Variants in RABGEF1 observed in about 807,000 individuals in gnomAD.
The protein encoded by RABGEF1 is rab5 GDP/GTP exchange factor.
Under a neutral mutation model 57.3 loss-of-function variants are expected in RABGEF1, and 26 were observed. That is an observed-to-expected ratio of 0.45 (90% CI 0.33 to 0.63). RABGEF1 has a LOEUF of 0.63. RABGEF1 is among the 20% of genes least tolerant of loss of function. RABGEF1 has a pLI of 0.02. For missense variants in RABGEF1, 464 were observed against 607.6 expected (o/e 0.76, Z 2.48); for synonymous variants, 185 against 210.7 (o/e 0.88, Z 1.06).
intron 1 of RABGEF1, among the ~76,000 whole-genome samples, chr7:66,701,770 A>G (rs1793310103): frequency 6.6e-6 from 1 of 152,014 alleles, no homozygotes; most frequent in East Asian, 1.9e-4. Flanking sequence ...AGCCTCATTT[A>G]TATTGATTTG....
intron 4 of RABGEF1, among the ~76,000 whole-genome samples, chr7:66,789,552 G>A (rs1562859022): frequency 6.6e-6 from 1 of 151,790 alleles, no homozygotes; most frequent in Non-Finnish European, 1.5e-5. Flanking sequence ...GTGTGGTGGC[G>A]AGCACCTGTA....
At chr7:66,695,181 G>A (rs761964920) in intron 1 of RABGEF1, among the ~76,000 whole-genome samples, 14 of 150,968 alleles carry the variant, frequency 9.3e-5, no homozygotes, top group African/African-American at 2.4e-4. Flanking sequence ...GCACGGTGGC[G>A]TGCACCAGTA....
the RABGEF1 span, chr7:66,666,293 C>G: frequency 6.6e-6 from 1 of 152,234 alleles, no homozygotes; most frequent in Non-Finnish European, 1.5e-5. Context: ...TAGAGACCAC[C>G]TGCCTTCATA....
the RABGEF1 span, among the ~76,000 whole-genome samples, chr7:66,654,925 G>T: frequency 6.6e-6 from 1 of 152,256 alleles, no homozygotes; most frequent in South Asian, 2.1e-4. Flanking sequence ...GGCCTGACGC[G>T]GAGCATTTCC....
intron 1 of RABGEF1, among the ~76,000 whole-genome samples, chr7:66,757,903 G>C (rs1466384568): frequency 1.3e-5 from 2 of 152,042 alleles, no homozygotes; most frequent in Admixed American, 1.3e-4. Flanking sequence ...GAGCCACTGC[G>C]CCCGGCCGAC....
intron 1 of RABGEF1, among the ~76,000 whole-genome samples, chr7:66,701,996 T>G (rs763855690): frequency 7.9e-5 from 12 of 152,130 alleles, no homozygotes; most frequent in Non-Finnish European, 1.5e-4. Context: ...TGTGCAAATA[T>G]CATCACTACC....
chr7:66,676,360 C>T, the RABGEF1 span, among the ~76,000 whole-genome samples: 5 of 151,982 alleles, frequency 3.3e-5, no homozygotes, highest in African/African-American at 7.3e-5. Flanking sequence ...TCCAGGATGC[C>T]CACATATACC....
intron 2 of RABGEF1, among the ~76,000 whole-genome samples, chr7:66,724,071 T>G (rs954066749): frequency 1.3e-5 from 2 of 152,180 alleles, no homozygotes; most frequent in African/African-American, 4.8e-5. Context: ...CACCATTTGT[T>G]TCTTAAGAAA....
intron 3 of RABGEF1, among the ~76,000 whole-genome samples, chr7:66,776,512 G>A (rs1808584058): frequency 6.6e-6 from 1 of 152,228 alleles, no homozygotes; most frequent in African/African-American, 2.4e-5. Context: ...GGGCAACATG[G>A]TGAAACCCCG....
chr7:66,743,297 G>A (rs1476691885), intron 1 of RABGEF1, among the ~76,000 whole-genome samples: 2 of 149,070 alleles, frequency 1.3e-5, no homozygotes, highest in Non-Finnish European at 3.0e-5. Flanking sequence ...GCGACAGAGC[G>A]AGACCTCGTC....
In RABGEF1 at chr7:66,689,041, C is replaced by T. The variant is rs372845983; in HGVS notation, c.-873+6783C>T. Among the ~76,000 whole-genome samples, 57 of 151,942 alleles carry T rather than the reference C, an allele frequency of 3.8e-4. No homozygotes were observed. The South Asian group carries it at 7.3e-3, about 19-fold the overall frequency. On this transcript the variant is annotated intron_variant and NMD_transcript_variant, in intron 1 of 9. Coordinates refer to the RABGEF1 transcript ENST00000607882. ...CTGGGAGAGGGAGGTTGCAGTGAGC[C>T]GAGATTGCACCACTGCATTCCAGCC...
chr7:66,656,731 A>T, the RABGEF1 span, among the ~76,000 whole-genome samples: 3 of 151,510 alleles, frequency 2.0e-5, no homozygotes, highest in Non-Finnish European at 4.4e-5. Context: ...GAGGCAGGAG[A>T]ATTGCTTGAA....
At chr7:66,766,165 C>T (rs1184761339) in intron 1 of RABGEF1, among the ~76,000 whole-genome samples, 4 of 151,762 alleles carry the variant, frequency 2.6e-5, no homozygotes, top group South Asian at 2.1e-4. Context: ...GGCGAAACAC[C>T]GCCTCTACAA....
At chr7:66,697,926 C>T (rs149985322) in intron 1 of RABGEF1, among the ~76,000 whole-genome samples, 238 of 152,234 alleles carry the variant, frequency 1.6e-3, no homozygotes, top group African/African-American at 5.5e-3. Flanking sequence ...TCCTATTTCC[C>T]TCCATGAGCC....
intron 1 of RABGEF1, among the ~76,000 whole-genome samples, chr7:66,751,243 C>T (rs1041252205): frequency 6.6e-6 from 1 of 152,154 alleles, no homozygotes; most frequent in Admixed American, 6.5e-5. Context: ...GTTAGCCAGG[C>T]TGGTCTCGAT....
chr7:66,752,310 C>A (rs1801628455), intron 1 of RABGEF1, among the ~76,000 whole-genome samples: 1 of 152,066 alleles, frequency 6.6e-6, no homozygotes, highest in Non-Finnish European at 1.5e-5. Context: ...GCCTGGCCAA[C>A]ATGGTGAAAC....
chr7:66,764,157 T>C (rs2129091856), intron 1 of RABGEF1, among the ~76,000 whole-genome samples: 1 of 152,366 alleles, frequency 6.6e-6, no homozygotes, highest in East Asian at 1.9e-4. Context: ...TTTTTGGTTC[T>C]AGTCATCCTA....
intron 1 of RABGEF1, among the ~76,000 whole-genome samples, chr7:66,690,841 T>C (rs780536666): frequency 7.9e-5 from 12 of 151,840 alleles, no homozygotes; most frequent in Non-Finnish European, 1.2e-4. Context: ...TCCAGCACTT[T>C]GGGAGGCTGA....
At chr7:66,777,611 G>T (rs1808853507) in intron 3 of RABGEF1, among the ~76,000 whole-genome samples, 1 of 152,128 alleles carries the variant, frequency 6.6e-6, no homozygotes, top group African/African-American at 2.4e-5. Context: ...ATTCAATGCA[G>T]AGTCTGTACT....
Sources: allele counts gnomAD v4.1 joint callset (sites outside exome capture counted in the v4.1 genomes callset), GRCh38; gene constraint gnomAD v4.1.1; transcripts MANE v1.5; gene names NCBI Gene and HGNC (gene_info 2026-07-23, HGNC 2026-07-21).